Variants in SLC24A2 observed in about 807,000 individuals in gnomAD.
SLC24A2 encodes solute carrier family 24 member 2.
A neutral mutation model predicts 62.0 loss-of-function variants in SLC24A2; 36 were observed. The ratio of observed to expected loss-of-function variants is 0.58; its 90% CI spans 0.44 to 0.77. The LOEUF is 0.77. Ranked by LOEUF, SLC24A2 falls within the 30% of genes least tolerant of loss-of-function variation. The probability of loss-of-function intolerance (pLI) is 0.00; values close to 1 mark genes in which losing one functional copy is unlikely to be tolerated. For synonymous variants in SLC24A2, 358 were observed against 294.0 expected (o/e 1.22, Z -2.23); for missense variants, 846 against 817.9 (o/e 1.03, Z -0.42).
chr9:19,806,560 T>G, the SLC24A2 span, among the ~76,000 whole-genome samples: 1 of 152,170 alleles, frequency 6.6e-6, no homozygotes, highest in Admixed American at 6.5e-5. Flanking sequence ...AAAGGTATAT[T>G]TAACATTCCA....
the SLC24A2 span, among the ~76,000 whole-genome samples, chr9:19,939,829 A>C: frequency 6.6e-6 from 1 of 152,208 alleles, no homozygotes; most frequent in African/African-American, 2.4e-5. Context: ...ATAAACTGCC[A>C]GCCCCTAGTG....
At chr9:20,246,529 A>C in the SLC24A2 span, among the ~76,000 whole-genome samples, 1 of 152,260 alleles carries the variant, frequency 6.6e-6, no homozygotes, top group Non-Finnish European at 1.5e-5. Context: ...TGTTGGGCTT[A>C]GGAAATAATA....
chr9:19,524,985 T>C (rs1256415356), intron 9 of SLC24A2, among the ~76,000 whole-genome samples: 1 of 152,208 alleles, frequency 6.6e-6, no homozygotes, highest in Non-Finnish European at 1.5e-5. Flanking sequence ...TAAGAAAAAC[T>C]ATTATATGTT....
chr9:19,718,525 G>C (rs1182646), intron 2 of SLC24A2, among the ~76,000 whole-genome samples: 77,143 of 145,200 alleles, frequency 0.53, 20,638 homozygotes, highest in East Asian at 0.81. Context: ...TGCCCAGGCT[G>C]GTCTCGAAAT....
chr9:19,642,025 C>T (rs1587082583), intron 2 of SLC24A2, among the ~76,000 whole-genome samples: 1 of 151,926 alleles, frequency 6.6e-6, no homozygotes, highest in Non-Finnish European at 1.5e-5. Context: ...GAGTCTGACT[C>T]GGTGGAAGGA....
the SLC24A2 span, among the ~76,000 whole-genome samples, chr9:20,003,877 G>T: frequency 1.3e-5 from 2 of 149,936 alleles, no homozygotes; most frequent in South Asian, 2.1e-4. Context: ...CTGCCTGAAT[G>T]TGGGATGTTT....
chr9:20,241,101 G>A, the SLC24A2 span, among the ~76,000 whole-genome samples: 1 of 152,202 alleles, frequency 6.6e-6, no homozygotes, highest in Non-Finnish European at 1.5e-5. Context: ...ATACAAGGTA[G>A]GTACCTTTAC....
intron 2 of SLC24A2, among the ~76,000 whole-genome samples, chr9:19,707,045 T>C (rs1184423823): frequency 6.6e-6 from 1 of 151,678 alleles, no homozygotes; most frequent in Non-Finnish European, 1.5e-5. Flanking sequence ...AAGAATCAAA[T>C]AGACGCAATA....
the SLC24A2 span, among the ~76,000 whole-genome samples, chr9:20,198,288 T>C: frequency 0.067 from 10,172 of 152,324 alleles, 450 homozygotes; most frequent in Middle Eastern, 0.11. Flanking sequence ...GAGTGAATTG[T>C]TGCTCTGACT....
chr9:19,713,236 G>A (rs1349122016), intron 2 of SLC24A2, among the ~76,000 whole-genome samples: 1 of 151,880 alleles, frequency 6.6e-6, no homozygotes, highest in South Asian at 2.1e-4. Context: ...AATGAAGGAA[G>A]GAAGTACCTG....
chr9:20,183,513 C>G, the SLC24A2 span, among the ~76,000 whole-genome samples: 1 of 152,190 alleles, frequency 6.6e-6, no homozygotes, highest in African/African-American at 2.4e-5. Context: ...CTTTGAATAA[C>G]AATTATTTCC....
At chr9:20,118,609 T>C in the SLC24A2 span, among the ~76,000 whole-genome samples, 5 of 152,162 alleles carry the variant, frequency 3.3e-5, no homozygotes, top group East Asian at 9.7e-4. Context: ...ATATCTACAA[T>C]TCAACCTGGT....
the SLC24A2 span, among the ~76,000 whole-genome samples, chr9:20,257,548 G>C: frequency 1.3e-5 from 2 of 152,120 alleles, no homozygotes; most frequent in East Asian, 1.9e-4. Flanking sequence ...GCGTGTCATT[G>C]GGCCTCTGGA....
chr9:19,933,859 G>T, the SLC24A2 span, among the ~76,000 whole-genome samples: 1 of 152,192 alleles, frequency 6.6e-6, no homozygotes, highest in Admixed American at 6.5e-5. Context: ...AGTGAAAGAT[G>T]CCAGGCACAA....
chr9:19,534,608 G>C (rs1833868484), intron 8 of SLC24A2, among the ~76,000 whole-genome samples: 1 of 151,924 alleles, frequency 6.6e-6, no homozygotes, highest in Admixed American at 6.6e-5. Flanking sequence ...AAAATGCGGT[G>C]TTTAGTTTTC....
At chr9:20,215,218 G>T in the SLC24A2 span, among the ~76,000 whole-genome samples, 3 of 152,218 alleles carry the variant, frequency 2.0e-5, no homozygotes, top group East Asian at 5.8e-4. Context: ...CTTTTATAAG[G>T]ACTCTACTCC....
rs1021298332 is a variant in SLC24A2 at position 19,513,832 on chromosome 9, G to T, written c.*2321C>A. ...AAGAAATACACAGGGAAAACAACTG[G>T]AGTTTTTAAACGTAAAGTTCACTTC... On this transcript the variant is annotated 3_prime_UTR_variant, in exon 11 of 11. Coordinates refer to ENST00000341998, the MANE Select transcript of SLC24A2 (RefSeq NM_020344.4). The T allele has an allele frequency of 6.6e-6, 1 of 152,138 alleles. No individual in the cohort carries two copies. Among genetic ancestry groups the T allele is most frequent in the African/African-American group, 2.4e-5 (1 of 41,426 alleles). 9.4% of individuals were successfully genotyped at this position (152,138 alleles called of 1,614,324 possible). A position where few individuals can be genotyped will look rare whatever the true frequency, so the allele number is the denominator to read the frequency against.
rs186792634 is a variant in SLC24A2, at chr9:19,785,804, G to C, written c.930+133C>G. 22 of 1,184,544 alleles carry C rather than the reference G, an allele frequency of 1.9e-5. No individual in the cohort carries two copies. The African/African-American group carries it at 2.9e-4, about 15-fold the overall frequency. The allele number at this position is 1,184,544 out of a possible 1,614,324, so 73.4% of individuals were successfully genotyped here. A position where few individuals can be genotyped will look rare whatever the true frequency, so the allele number is the denominator to read the frequency against. On this transcript the variant is annotated intron_variant, in intron 2 of 10. Transcript: ENST00000341998. ...CTGCTATGTTAGTCTAGCTATCACA[G>C]AACTGCAGAATCAATCTGCTATCCA...
chr9:19,895,927 A>T, the SLC24A2 span: 4 of 1,613,294 alleles, frequency 2.5e-6, no homozygotes, highest in South Asian at 2.2e-5. Context: ...CCTCCTCATC[A>T]GGTCAAACAG....
Sources: gnomAD v4.1 joint callset for allele counts (sites outside exome capture counted in the v4.1 genomes callset) on GRCh38, gnomAD v4.1.1 for gene constraint, MANE v1.5 for transcripts, NCBI Gene and HGNC (gene_info 2026-07-23, HGNC 2026-07-21) for gene names.